Variants in C1QTNF1 observed in about 807,000 individuals in gnomAD.
C1QTNF1 encodes the protein C1q and TNF related 1.
C1QTNF1 carries 22 observed loss-of-function variants against 27.8 expected under a neutral mutation model. The observed-to-expected ratio is 0.79, with a 90% CI of 0.56 to 1.13. The LOEUF (loss-of-function observed/expected upper bound fraction) is 1.13, where lower values mean the gene tolerates loss of function less well. Ranked by LOEUF, C1QTNF1 falls within the 50% of genes most tolerant of loss-of-function variation. The pLI is 0.00. For missense variants in C1QTNF1, 373 were observed against 380.2 expected (o/e 0.98, Z 0.16); for synonymous variants, 166 against 154.3 (o/e 1.08, Z -0.56).
intron 1 of C1QTNF1, among the ~76,000 whole-genome samples, chr17:79,037,353 T>G (rs148623112): frequency 0.023 from 3,566 of 152,224 alleles, 116 homozygotes; most frequent in African/African-American, 0.081. Flanking sequence ...TGGTCTCCAA[T>G]CTCCCGACCT....
chr17:79,039,296 C>T (rs1266905519), intron 1 of C1QTNF1, among the ~76,000 whole-genome samples: 1 of 152,220 alleles, frequency 6.6e-6, no homozygotes, highest in Non-Finnish European at 1.5e-5. Flanking sequence ...TACTGCTAAG[C>T]ATCCTACAGC....
intron 1 of C1QTNF1, chr17:79,027,400 G>A (rs2071998262): frequency 6.6e-6 from 1 of 152,296 alleles, no homozygotes; most frequent in South Asian, 2.1e-4. Flanking sequence ...GAGCAGTCTG[G>A]AAGAAACAGC....
At chr17:79,031,003 CTTTTCTTTTT>C (rs755320749) in intron 1 of C1QTNF1, among the ~76,000 whole-genome samples, 3 of 148,514 alleles carry the variant, frequency 2.0e-5, no homozygotes, top group Non-Finnish European at 4.4e-5. Context: ...TATTTCTTTT[CTTTTCTTTTT>C]TTTTTTTTTT....
At chr17:79,025,289 C>T (rs2071912099) in intron 1 of C1QTNF1, among the ~76,000 whole-genome samples, 3 of 152,114 alleles carry the variant, frequency 2.0e-5, no homozygotes, top group Admixed American at 6.5e-5. Context: ...GGCCAATACC[C>T]GGGCCACACT....
intron 1 of C1QTNF1, among the ~76,000 whole-genome samples, chr17:79,037,220 C>T (rs992139452): frequency 2.6e-5 from 4 of 152,158 alleles, no homozygotes; most frequent in East Asian, 1.9e-4. Flanking sequence ...ACCTCCGACT[C>T]CCTGGTTCAA....
chr17:79,030,493 C>CTT (rs780454860), intron 1 of C1QTNF1, among the ~76,000 whole-genome samples: 13 of 85,348 alleles, frequency 1.5e-4, no homozygotes, highest in Non-Finnish European at 2.7e-4. Context: ...CTTTTTCTTT[C>CTT]TTTCTTTCTT....
intron 1 of C1QTNF1, among the ~76,000 whole-genome samples, chr17:79,042,188 G>A (rs941709236): frequency 1.3e-5 from 2 of 152,228 alleles, no homozygotes; most frequent in East Asian, 3.9e-4. Context: ...GTTGACCACA[G>A]TCGCTGTGCC....
intron 1 of C1QTNF1, chr17:79,043,299 ATG>A (rs1253760536): frequency 9.0e-6 from 4 of 444,810 alleles, no homozygotes; most frequent in Non-Finnish European, 1.8e-5. Context: ...TGATTTGGGT[ATG>A]TGTGCATGTG....
At chr17:79,029,398 G>A (rs574134554) in intron 1 of C1QTNF1, among the ~76,000 whole-genome samples, 3 of 152,274 alleles carry the variant, frequency 2.0e-5, no homozygotes, top group East Asian at 1.9e-4. Context: ...CGGCTCCATC[G>A]CTCTGAGGCT....
chr17:79,047,988 G>A lies in C1QTNF1; in HGVS notation c.746G>A (p.Arg249His), dbSNP rs113589829. The A allele has an allele frequency of 3.1e-4, 506 of 1,613,074 alleles. 1 individual carries two copies. The highest frequency in any genetic ancestry group is 2.3e-3 in the Middle Eastern group (14 of 6,058). ...CGAGAGCAGGACCAGGTGTGGGTAC[G>A]CCTCTACAAGGGCGAACGTGAGAAC... The part of the protein sequence containing the change: ...ELREQDQVWV[R>H]LYKGERENAI... The change falls in exon 4 of 4, where the codon CGC becomes CAC. Residue 249 changes from arginine to histidine, a missense_variant. Arg to His is a conservative substitution (Grantham distance 29). Coordinates refer to ENST00000579760, the MANE Select transcript of C1QTNF1 (RefSeq NM_030968.5).
rs138819826 is a variant in C1QTNF1 at position 79,028,972 on chromosome 17, G to C, written c.-15+4478G>C. On this transcript the variant is annotated intron_variant, in intron 1 of 3. Transcript: ENST00000579760. ...CTAAATCCAAAGGAATTAAACTCCG[G>C]TGGTGTATTTTAAGATGCTAGCAGG... Among the ~76,000 whole-genome samples, 255 of 152,192 alleles carry C rather than the reference G, an allele frequency of 1.7e-3. 1 individual carries two copies. Among genetic ancestry groups the C allele is most frequent in the African/African-American group, 5.9e-3 (243 of 41,518 alleles).
chr17:79,030,748 C>T (rs927000387), intron 1 of C1QTNF1, among the ~76,000 whole-genome samples: 5 of 151,456 alleles, frequency 3.3e-5, no homozygotes, highest in South Asian at 2.1e-4. Context: ...TTTAGGCACA[C>T]GCCACCACAC....
intron 1 of C1QTNF1, among the ~76,000 whole-genome samples, chr17:79,029,238 G>A (rs956166371): frequency 3.9e-5 from 6 of 152,206 alleles, no homozygotes; most frequent in East Asian, 1.9e-4. Context: ...GGGAACGGTC[G>A]CTGCACCATG....
intron 1 of C1QTNF1, among the ~76,000 whole-genome samples, chr17:79,037,742 TACTGCAGCCTTG>T (rs1490845268): frequency 6.6e-6 from 1 of 151,626 alleles, no homozygotes; most frequent in African/African-American, 2.4e-5. Context: ...GATCATGGCT[TACTGCAGCCTTG>T]ACTTCCTGGA....
intron 2 of C1QTNF1, among the ~76,000 whole-genome samples, chr17:79,044,456 C>T (rs2072513590): frequency 6.6e-6 from 1 of 152,176 alleles, no homozygotes; most frequent in South Asian, 2.1e-4. Flanking sequence ...CTCACTTTGT[C>T]CGCTGAGAAT....
At chr17:79,027,938 C>A (rs2072016750) in intron 1 of C1QTNF1, among the ~76,000 whole-genome samples, 1 of 152,248 alleles carries the variant, frequency 6.6e-6, no homozygotes, top group Non-Finnish European at 1.5e-5. Flanking sequence ...TGCTATCTTG[C>A]CTCTGAGGCC....
chr17:79,037,200 G>A (rs1316216661), intron 1 of C1QTNF1, among the ~76,000 whole-genome samples: 1 of 152,112 alleles, frequency 6.6e-6, no homozygotes, highest in African/African-American at 2.4e-5. Context: ...CATGATCTCG[G>A]CTTAGCACAA....
chr17:79,026,586 G>A (rs530478748), intron 1 of C1QTNF1, among the ~76,000 whole-genome samples: 3 of 152,344 alleles, frequency 2.0e-5, no homozygotes, highest in South Asian at 4.1e-4. Flanking sequence ...ACACAGGTCC[G>A]CTACCCAGGG....
At chr17:79,030,489 C>T (rs59209450) in intron 1 of C1QTNF1, among the ~76,000 whole-genome samples, 1,846 of 61,838 alleles carry the variant, frequency 0.03, 11 homozygotes, top group Non-Finnish European at 0.038. Context: ...CTTTCTTTTT[C>T]TTTCTTTCTT....
Sources: gnomAD v4.1 joint callset for allele counts (sites outside exome capture counted in the v4.1 genomes callset) on GRCh38, gnomAD v4.1.1 for gene constraint, MANE v1.5 for transcripts, NCBI Gene and HGNC (gene_info 2026-07-23, HGNC 2026-07-21) for gene names.